Variants in MTOR observed in about 807,000 individuals in gnomAD.
MTOR encodes serine/threonine-protein kinase mTOR.
Under a neutral mutation model 319.8 loss-of-function variants are expected in MTOR, and 70 were observed. That is an observed-to-expected ratio of 0.22 (90% confidence interval 0.18 to 0.27). The LOEUF (loss-of-function observed/expected upper bound fraction) is 0.27, where lower values mean the gene tolerates loss of function less well. Ranked by LOEUF, MTOR falls within the 10% of genes least tolerant of loss-of-function variation. MTOR has a pLI of 1.00. For missense variants in MTOR, 1,890 were observed against 3,274.4 expected (o/e 0.58, Z 10.32); for synonymous variants, 1,183 against 1,211.4 (o/e 0.98, Z 0.49).
chr1:11,233,587 A>G, intron 14 of MTOR, 100 bp from the exon 15 acceptor site: 3 of 892,860 alleles, frequency 3.4e-6, no homozygotes, highest in South Asian at 3.0e-5. Context: ...TCTCAGTCAT[A>G]AAGAAATTCC....
At chr1:11,259,484 T>TTG in intron 1 of MTOR, 61 bp from the exon 2 acceptor site, 1 of 1,492,700 alleles carries the variant, frequency 6.7e-7, no homozygotes, top group Non-Finnish European at 8.9e-7. Flanking sequence ...AATTTACTTA[T>TTG]GGCCCTGGTC....
chr1:11,159,572 C>A (rs1428500754), intron 29 of MTOR, among the ~76,000 whole-genome samples: 1 of 151,136 alleles, frequency 6.6e-6, no homozygotes, highest in Non-Finnish European at 1.5e-5. Flanking sequence ...ACCCAGGAGA[C>A]AGAGGTTGCA....
chr1:11,141,769 A>G (rs1643718415), intron 34 of MTOR, among the ~76,000 whole-genome samples: 2 of 149,506 alleles, frequency 1.3e-5, no homozygotes, highest in East Asian at 2.0e-4. Flanking sequence ...GGGGGATCAC[A>G]AGGTCAGGAG....
In MTOR at chr1:11,124,495, T is replaced by A. The variant is rs1557750345; in HGVS notation, c.6662+3A>T. On this transcript the variant is annotated splice_donor_region_variant and intron_variant, in intron 47 of 57. Transcript: ENST00000361445. ...TTGTTGCCATTTCAGGGTTTCTGAA[T>A]ACCTGAGGTTTTTCCGAAGAGATGT... is the stretch of plus-strand genomic sequence containing the variant. 6.2e-7 allele frequency: 1 copy of A among 1,603,478 alleles called. No homozygotes were observed. Among genetic ancestry groups the A allele is most frequent in the African/African-American group, 1.3e-5 (1 of 74,882 alleles).
chr1:11,111,483 GA>G (rs34258245), intron 54 of MTOR: 9,746 of 137,156 alleles, frequency 0.071, 849 homozygotes, highest in African/African-American at 0.22. Flanking sequence ...TCTGTCTCAA[GA>G]AAAAAAAAAA....
intron 31 of MTOR, 123 bp downstream of exon 31, chr1:11,150,003 A>T: frequency 2.8e-6 from 2 of 706,364 alleles, no homozygotes; most frequent in Non-Finnish European, 4.7e-6. Flanking sequence ...AGGTGGATAC[A>T]GACCATTTTT....
Position 11,115,291 on chromosome 1 carries a change from G to T in MTOR, c.7089+105C>A. ...TACAGCCTTGGTAGGGCCAGCAGGG[G>T]TTAAGAGTAAGGCAGTTTGGGCTTA... On this transcript the variant is annotated intron_variant, in intron 51 of 57. Transcript: ENST00000361445. This position sits in a 1 kb window ranked among gnomAD's most constrained non-coding sequence, Gnocchi z 4.5. 9.1e-7 allele frequency: 1 copy of T among 1,093,138 alleles called. No individual in the cohort carries two copies. Among genetic ancestry groups the T allele is most frequent in the Non-Finnish European group, 1.4e-6 (1 of 711,990 alleles). The allele number at this position is 1,093,138 out of a possible 1,614,324, so 67.7% of individuals were successfully genotyped here.
intron 54 of MTOR, among the ~76,000 whole-genome samples, chr1:11,110,483 A>G (rs919391521): frequency 6.6e-6 from 1 of 151,680 alleles, no homozygotes. Flanking sequence ...GCTCACTGCA[A>G]CCTCTGCCTC....
chr1:11,209,232 C>A (rs1646235595), intron 25 of MTOR, 80 bp downstream of exon 25: 1 of 1,549,768 alleles, frequency 6.5e-7, no homozygotes, highest in Non-Finnish European at 8.8e-7. Context: ...TTCGGTTGCC[C>A]AGTTTAAACA....
At chr1:11,126,862 A>AT in intron 45 of MTOR, 66 bp from the exon 46 acceptor site, 1 of 1,585,600 alleles carries the variant, frequency 6.3e-7, no homozygotes. Flanking sequence ...CAATTTAAGT[A>AT]TTTTTCAGTG....
chr1:11,165,324 T>G (rs2100601312), intron 29 of MTOR, among the ~76,000 whole-genome samples: 1 of 152,328 alleles, frequency 6.6e-6, no homozygotes, highest in South Asian at 2.1e-4. Flanking sequence ...GCAGGTGACA[T>G]GATTGTATAT....
intron 26 of MTOR, among the ~76,000 whole-genome samples, chr1:11,201,817 A>T (rs77222736): frequency 8.5e-5 from 13 of 152,172 alleles, no homozygotes; most frequent in Non-Finnish European, 1.0e-4. Context: ...CCAAAAAAAA[A>T]TTTTTTTGAG....
At chr1:11,207,724 T>A (rs1646185143) in intron 25 of MTOR, among the ~76,000 whole-genome samples, 1 of 151,940 alleles carries the variant, frequency 6.6e-6, no homozygotes, top group Non-Finnish European at 1.5e-5. Context: ...CTCAAACTCC[T>A]GCTTCAAGTG....
chr1:11,161,393 C>T (rs1644472314), intron 29 of MTOR, among the ~76,000 whole-genome samples: 2 of 152,332 alleles, frequency 1.3e-5, no homozygotes, highest in South Asian at 4.1e-4. Context: ...GCAGAAACTG[C>T]TGCAGACTTA....
At chr1:11,221,087 C>T (rs6682566) in intron 19 of MTOR, among the ~76,000 whole-genome samples, 4,211 of 151,982 alleles carry the variant, frequency 0.028, 171 homozygotes, top group African/African-American at 0.095. Flanking sequence ...CTCTGTCTCC[C>T]GGGTTCAAGA....
In MTOR at chr1:11,122,236, C is replaced by T. The variant is rs913763100; in HGVS notation, c.6663-110G>A. 8 of 1,362,922 alleles carry T rather than the reference C, an allele frequency of 5.9e-6. No individual in the cohort carries two copies. The African/African-American group carries it at 1.2e-4, about 20-fold the overall frequency. 84.4% of individuals were successfully genotyped at this position (1,362,922 alleles called of 1,614,324 possible). A position where few individuals can be genotyped will look rare whatever the true frequency, so the allele number is the denominator to read the frequency against. On this transcript the variant is annotated intron_variant, in intron 47 of 57. Coordinates refer to ENST00000361445, the MANE Select transcript of MTOR (RefSeq NM_004958.4). ...TTTTCTTTTTTGAGACAGAGTCTTGCTCTGTTGCCCAGGCTGGAGTGCAGT... is the reference window on the plus strand; with the variant it reads ...TTTTCTTTTTTGAGACAGAGTCTTGTTCTGTTGCCCAGGCTGGAGTGCAGT...
Position 11,109,578 on chromosome 1 carries a change from CAG to C in MTOR, c.7447+69_7447+70del. On this transcript the variant is annotated intron_variant, in intron 55 of 57. Coordinates refer to ENST00000361445, the MANE Select transcript of MTOR (RefSeq NM_004958.4). The surrounding 1 kb of genome is among the most constrained non-coding windows in gnomAD (Gnocchi z 4.0). ...GTTGCTTCATCTTGTTGACCCCTCT[CAG>C]GGTATAACACAGCTGCTATTTTCTT... is the stretch of plus-strand genomic sequence containing the variant. The C allele has an allele frequency of 6.8e-7, 1 of 1,467,914 alleles. No homozygotes were observed. The highest frequency in any genetic ancestry group is 9.5e-7 in the Non-Finnish European group (1 of 1,048,866). The allele number at this position is 1,467,914 out of a possible 1,614,324, so 90.9% of individuals were successfully genotyped here. A position where few individuals can be genotyped will look rare whatever the true frequency, so the allele number is the denominator to read the frequency against.
At chr1:11,166,844 C>T (rs1017869814) in intron 29 of MTOR, among the ~76,000 whole-genome samples, 1 of 152,118 alleles carries the variant, frequency 6.6e-6, no homozygotes, top group East Asian at 1.9e-4. Flanking sequence ...TGGAACCAAC[C>T]CAAATGTCCA....
chr1:11,205,274 G>A (rs80243872), intron 25 of MTOR, among the ~76,000 whole-genome samples: 4,535 of 152,232 alleles, frequency 0.03, 171 homozygotes, highest in Admixed American at 0.071. Context: ...ACTACCAGGG[G>A]CAGCTTATTC....
Sources: allele counts gnomAD v4.1 joint callset (sites outside exome capture counted in the v4.1 genomes callset), GRCh38; gene constraint gnomAD v4.1.1; non-coding constraint Gnocchi (gnomAD v3.1); transcripts MANE v1.5; gene names NCBI Gene and HGNC (gene_info 2026-07-23, HGNC 2026-07-21).